ARID1B: variants seen among roughly 807,000 people sequenced by gnomAD.
The protein encoded by ARID1B is AT-rich interaction domain 1B.
A neutral mutation model predicts 212.3 loss-of-function variants in ARID1B; 30 were observed. The ratio of observed to expected loss-of-function variants is 0.14; its 90% CI spans 0.11 to 0.19. The LOEUF (loss-of-function observed/expected upper bound fraction) is 0.19. ARID1B is among the 10% of genes least tolerant of loss of function. The pLI is 1.00. For synonymous variants in ARID1B, 1,402 were observed against 1,301.7 expected (o/e 1.08, Z -1.66); for missense variants, 2,891 against 3,204.0 (o/e 0.90, Z 2.36).
At chr6:157,156,639 T>C (rs1790592644) in intron 8 of ARID1B, among the ~76,000 whole-genome samples, 1 of 152,142 alleles carries the variant, frequency 6.6e-6, no homozygotes, top group South Asian at 2.1e-4. Context: ...CCCAAGCCAC[T>C]CGTGAGCGTC....
intron 4 of ARID1B, among the ~76,000 whole-genome samples, chr6:157,073,094 C>G (rs1295622607): frequency 6.6e-6 from 1 of 150,998 alleles, no homozygotes; most frequent in African/African-American, 2.4e-5. Context: ...AGTATTTATT[C>G]ACCCCATCTT....
intron 9 of ARID1B, chr6:157,168,570 G>A (rs7767080): frequency 0.088 from 13,451 of 152,158 alleles, 1,472 homozygotes; most frequent in African/African-American, 0.26. Context: ...CACACAATCA[G>A]TTTTCACCTA....
chr6:157,053,261 A>G (rs547123730), intron 4 of ARID1B, among the ~76,000 whole-genome samples: 6 of 151,906 alleles, frequency 3.9e-5, no homozygotes, highest in Non-Finnish European at 7.4e-5. Context: ...AATTTTTTGT[A>G]TTTTTAGTAA....
intron 6 of ARID1B, 105 bp downstream of exon 6, chr6:157,110,666 G>T (rs1291226386): frequency 9.3e-7 from 1 of 1,074,114 alleles, no homozygotes; most frequent in South Asian, 1.3e-5. Context: ...TTTTTTAAAG[G>T]ATATTATGTT....
intron 4 of ARID1B, among the ~76,000 whole-genome samples, chr6:156,978,892 C>T (rs1036661602): frequency 1.3e-5 from 2 of 152,102 alleles, no homozygotes; most frequent in African/African-American, 4.8e-5. Context: ...TCCATTTGTT[C>T]CAAATTTCTC....
intron 4 of ARID1B, among the ~76,000 whole-genome samples, chr6:157,044,842 GC>G (rs1289371153): frequency 6.6e-6 from 1 of 151,600 alleles, no homozygotes; most frequent in Non-Finnish European, 1.5e-5. Flanking sequence ...GCTGGTGGCT[GC>G]CACACTGCCA....
At chr6:156,918,961 C>T (rs1790573646) in intron 3 of ARID1B, among the ~76,000 whole-genome samples, 1 of 152,054 alleles carries the variant, frequency 6.6e-6, no homozygotes, top group African/African-American at 2.4e-5. Flanking sequence ...TAATTTGCTG[C>T]GTTAACAGTT....
intron 4 of ARID1B, among the ~76,000 whole-genome samples, chr6:156,954,854 C>G (rs1010187343): frequency 6.6e-6 from 1 of 152,190 alleles, no homozygotes; most frequent in Non-Finnish European, 1.5e-5. Flanking sequence ...CCCCTGCACC[C>G]TATTCTTAAT....
intron 4 of ARID1B, among the ~76,000 whole-genome samples, chr6:157,080,896 T>C (rs1784594619): frequency 6.6e-6 from 1 of 152,190 alleles, no homozygotes; most frequent in Non-Finnish European, 1.5e-5. Context: ...AAATTAATCA[T>C]CGATAGTAGA....
chr6:156,957,550 A>G (rs1794060935), intron 4 of ARID1B, among the ~76,000 whole-genome samples: 1 of 152,198 alleles, frequency 6.6e-6, no homozygotes, highest in Non-Finnish European at 1.5e-5. Context: ...CATCTTTCTC[A>G]TAGCCCAGGT....
chr6:157,025,220 C>A (rs1780583987), intron 4 of ARID1B, among the ~76,000 whole-genome samples: 1 of 152,158 alleles, frequency 6.6e-6, no homozygotes, highest in African/African-American at 2.4e-5. Context: ...TATTCTAGAA[C>A]ACTTTCTCAG....
intron 8 of ARID1B, among the ~76,000 whole-genome samples, chr6:157,161,836 T>G (rs993203998): frequency 6.6e-6 from 1 of 152,238 alleles, no homozygotes; most frequent in Non-Finnish European, 1.5e-5. Context: ...CAGTCTTTTC[T>G]GGCTTCATAA....
At chr6:156,916,170 A>AAGTACACAG (rs1315771333) in intron 3 of ARID1B, among the ~76,000 whole-genome samples, 1 of 152,196 alleles carries the variant, frequency 6.6e-6, no homozygotes, top group African/African-American at 2.4e-5. Flanking sequence ...TATCAGGAAG[A>AAGTACACAG]AGTACACAGT....
At chr6:157,189,413 A>G (rs1437115236) in intron 13 of ARID1B, among the ~76,000 whole-genome samples, 1 of 152,276 alleles carries the variant, frequency 6.6e-6, no homozygotes, top group East Asian at 1.9e-4. Context: ...CAAATGAAAT[A>G]TGTTGCCAAA....
intron 15 of ARID1B, among the ~76,000 whole-genome samples, chr6:157,192,889 T>C (rs1487571055): frequency 1.3e-5 from 2 of 152,240 alleles, no homozygotes; most frequent in Non-Finnish European, 2.9e-5. Context: ...TTAATGGTGC[T>C]CTGATTTTTT....
At chr6:157,080,908 GTTAA>G (rs1784597481) in intron 4 of ARID1B, among the ~76,000 whole-genome samples, 2 of 152,202 alleles carry the variant, frequency 1.3e-5, no homozygotes, top group Admixed American at 1.3e-4. Flanking sequence ...GATAGTAGAA[GTTAA>G]GTTATTTTTG....
chr6:157,092,365 T>C (rs1156653189), intron 5 of ARID1B, among the ~76,000 whole-genome samples: 1 of 152,238 alleles, frequency 6.6e-6, no homozygotes, highest in Non-Finnish European at 1.5e-5. Context: ...ATCCTGGTTA[T>C]GGAAACTCAG....
intron 4 of ARID1B, among the ~76,000 whole-genome samples, chr6:156,991,192 A>C (rs1468652546): frequency 6.6e-6 from 1 of 152,012 alleles, no homozygotes; most frequent in Non-Finnish European, 1.5e-5. Context: ...CTCTTGTGAT[A>C]CTCATTGGGA....
chr6:156,925,125 G>A (rs1237146893), intron 3 of ARID1B, among the ~76,000 whole-genome samples: 1 of 152,198 alleles, frequency 6.6e-6, no homozygotes, highest in South Asian at 2.1e-4. Context: ...GCTTAGGGGA[G>A]ATGGCTGCTC....
Sources: gnomAD v4.1 joint callset for allele counts (sites outside exome capture counted in the v4.1 genomes callset) on GRCh38, gnomAD v4.1.1 for gene constraint, MANE v1.5 for transcripts, NCBI Gene and HGNC (gene_info 2026-07-23, HGNC 2026-07-21) for gene names.